The following MAN1A2 variants were observed in gnomAD, a reference collection of about 807,000 sequenced individuals.
The protein encoded by MAN1A2 is mannosyl-oligosaccharide 1,2-alpha-mannosidase IB.
In MAN1A2, 26 loss-of-function variants were observed where a neutral mutation model predicts 75.7. That is an observed-to-expected ratio of 0.34 (90% CI 0.25 to 0.48). The LOEUF (loss-of-function observed/expected upper bound fraction) is 0.48, where lower values mean the gene tolerates loss of function less well. MAN1A2 is among the 20% of genes least tolerant of loss of function. The pLI, the probability that MAN1A2 is intolerant of heterozygous loss-of-function variation, is 0.99. For missense variants in MAN1A2, 562 were observed against 775.5 expected (o/e 0.72, Z 3.27); for synonymous variants, 247 against 264.6 (o/e 0.93, Z 0.65).
Position 117,445,868 on chromosome 1 carries a change from G to GTATATATATATA in MAN1A2, c.950+3544_950+3545insATATATATATAT, listed in dbSNP as rs1256464203. Among the ~76,000 whole-genome samples, 17 of 94,172 alleles carry GTATATATATATA rather than the reference G, an allele frequency of 1.8e-4. No individual in the cohort carries two copies. In the South Asian group the frequency reaches 2.1e-3, roughly 12 times the overall value. 61.8% of individuals were successfully genotyped at this position (94,172 alleles called of 152,430 possible). On this transcript the variant is annotated intron_variant, in intron 6 of 12. Transcript: ENST00000356554. ...TGTGTGTGTGTGTGTGTATGTGTGT[G>GTATATATATATA]TGTGTCTGTGTGTGTGTATATATAT...
chr1:117,491,264 G>A (rs1303538620), intron 8 of MAN1A2, among the ~76,000 whole-genome samples: 3 of 152,040 alleles, frequency 2.0e-5, no homozygotes, highest in Non-Finnish European at 2.9e-5. Context: ...GCTGACTCTT[G>A]TTGGGGGCTA....
At position 117,367,963 on chromosome 1, in the gene MAN1A2, G is replaced by A. The variant is rs147277758; in HGVS notation, c.-221G>A. 3.7e-6 allele frequency: 2 copies of A among 539,940 alleles called. No individual in the cohort carries two copies. The highest frequency in any genetic ancestry group is 3.0e-5 in the East Asian group (1 of 32,856). 33.4% of individuals were successfully genotyped at this position (539,940 alleles called of 1,614,324 possible). On this transcript the variant is annotated 5_prime_UTR_variant, in exon 1 of 13. Coordinates refer to ENST00000356554, the MANE Select transcript of MAN1A2 (RefSeq NM_006699.5). ...AAGTACAGATGTTGAAGAGGATATC[G>A]CAGGACCTAAACTTGTGATCGTTTG... is the stretch of plus-strand genomic sequence containing the variant.
chr1:117,492,804 A>G (rs906661470), intron 8 of MAN1A2, among the ~76,000 whole-genome samples: 2 of 152,046 alleles, frequency 1.3e-5, no homozygotes, highest in African/African-American at 4.8e-5. Flanking sequence ...GACATAACTT[A>G]TTTATTTAAA....
At chr1:117,413,568 CAG>C (rs1406116144) in intron 3 of MAN1A2, among the ~76,000 whole-genome samples, 2 of 151,796 alleles carry the variant, frequency 1.3e-5, no homozygotes, top group Admixed American at 6.6e-5. Flanking sequence ...CGTAACCTTT[CAG>C]AGTTTTGGGG....
intron 8 of MAN1A2, among the ~76,000 whole-genome samples, chr1:117,467,712 C>A (rs1018305871): frequency 6.6e-6 from 1 of 152,158 alleles, no homozygotes; most frequent in Non-Finnish European, 1.5e-5. Flanking sequence ...ATAAGAGTGA[C>A]TGGATTGGAT....
intron 1 of MAN1A2, among the ~76,000 whole-genome samples, chr1:117,376,191 T>C (rs1653132991): frequency 6.6e-6 from 1 of 152,238 alleles, no homozygotes; most frequent in East Asian, 1.9e-4. Context: ...ATTACAGGCG[T>C]GAGCCCACTG....
At chr1:117,443,550 G>A (rs1391105105) in intron 6 of MAN1A2, among the ~76,000 whole-genome samples, 1 of 152,022 alleles carries the variant, frequency 6.6e-6, no homozygotes, top group East Asian at 1.9e-4. Context: ...AAGACAGACT[G>A]GAGGCTCTTT....
At chr1:117,383,847 C>T (rs1278200639) in intron 1 of MAN1A2, among the ~76,000 whole-genome samples, 1 of 152,082 alleles carries the variant, frequency 6.6e-6, no homozygotes, top group Non-Finnish European at 1.5e-5. Flanking sequence ...CCTTGTACTC[C>T]TGGCCTTAAG....
rs542358095 is a variant in MAN1A2, at chr1:117,525,664, T to C, written c.*2707T>C. The C allele has an allele frequency of 6.6e-6, 1 of 152,066 alleles. No homozygotes were observed. The highest frequency in any genetic ancestry group is 2.4e-5 in the African/African-American group (1 of 41,526). The allele number at this position is 152,066 out of a possible 1,614,324, so 9.4% of individuals were successfully genotyped here. On this transcript the variant is annotated 3_prime_UTR_variant, in exon 13 of 13. Transcript: ENST00000356554. Reference sequence around the variant, plus strand: ...TGCATAATCGAAAAAAATAGGAATTTTGAACACTGTTCTTCCTTCTACATT... The same window carrying C: ...TGCATAATCGAAAAAAATAGGAATTCTGAACACTGTTCTTCCTTCTACATT...
At chr1:117,458,625 G>A (rs946543890) in intron 6 of MAN1A2, among the ~76,000 whole-genome samples, 4 of 150,202 alleles carry the variant, frequency 2.7e-5, no homozygotes, top group African/African-American at 9.8e-5. Flanking sequence ...CTGGGTTTAA[G>A]CGATTCTCCT....
chr1:117,466,583 T>C (rs1649991121), intron 8 of MAN1A2, among the ~76,000 whole-genome samples, 156 bp downstream of exon 8: 1 of 152,156 alleles, frequency 6.6e-6, no homozygotes, highest in Admixed American at 6.6e-5. Context: ...TTCTGATCTC[T>C]CTTAGCTTCA....
chr1:117,510,830 CT>C (rs1651513993), intron 12 of MAN1A2, among the ~76,000 whole-genome samples: 2 of 152,114 alleles, frequency 1.3e-5, no homozygotes, highest in African/African-American at 4.8e-5. Context: ...CACTCTCCCC[CT>C]AACTTATAAT....
intron 12 of MAN1A2, among the ~76,000 whole-genome samples, chr1:117,522,282 C>A (rs1207844088): frequency 6.6e-6 from 1 of 151,844 alleles, no homozygotes; most frequent in East Asian, 1.9e-4. Flanking sequence ...CAACAAATTA[C>A]ATAGATAATA....
intron 1 of MAN1A2, among the ~76,000 whole-genome samples, chr1:117,381,272 G>C (rs1398109413): frequency 3.9e-5 from 6 of 152,078 alleles, no homozygotes; most frequent in Non-Finnish European, 2.9e-5. Flanking sequence ...TGCCATGCTG[G>C]TGTGCTGCAC....
intron 3 of MAN1A2, among the ~76,000 whole-genome samples, chr1:117,407,475 A>T (rs1439851600): frequency 2.0e-5 from 3 of 152,162 alleles, no homozygotes; most frequent in Non-Finnish European, 4.4e-5. Context: ...CAAATTTAGT[A>T]TGCCTTTACA....
chr1:117,373,317 A>G lies in MAN1A2; in HGVS notation c.302+4832A>G, dbSNP rs547454054. 2.6e-5 allele frequency among the ~76,000 whole-genome samples: 4 copies of G among 151,530 alleles called. No homozygotes were observed. The South Asian group carries it at 8.4e-4, about 32-fold the overall frequency. On this transcript the variant is annotated intron_variant, in intron 1 of 12. Coordinates refer to ENST00000356554, the MANE Select transcript of MAN1A2 (RefSeq NM_006699.5). ...TCTGCTCCTGTTTGGGCGACGTCAC[A>G]TTGTTTTATGCACTAATATTAAAGT...
Position 117,526,077 on chromosome 1 carries a change from C to T in MAN1A2, c.*3120C>T, listed in dbSNP as rs1053902. ...AATCATCATCCTCTCATCTTCTCCACTCTCCATTGCCAAAGTCTTTGTCAA... is the reference window on the plus strand; with the variant it reads ...AATCATCATCCTCTCATCTTCTCCATTCTCCATTGCCAAAGTCTTTGTCAA... On this transcript the variant is annotated 3_prime_UTR_variant, in exon 13 of 13. Transcript: ENST00000356554. 5 of 151,602 alleles carry T rather than the reference C, an allele frequency of 3.3e-5. No individual in the cohort carries two copies. The highest frequency in any genetic ancestry group is 1.2e-4 in the African/African-American group (5 of 41,384). 9.4% of individuals were successfully genotyped at this position (151,602 alleles called of 1,614,324 possible).
intron 12 of MAN1A2, among the ~76,000 whole-genome samples, chr1:117,513,781 T>G (rs1252752926): frequency 6.6e-6 from 1 of 152,138 alleles, no homozygotes; most frequent in Non-Finnish European, 1.5e-5. Flanking sequence ...TTGCCTGCAG[T>G]TTATTGCCCT....
intron 6 of MAN1A2, among the ~76,000 whole-genome samples, chr1:117,450,802 G>A (rs966798733): frequency 5.9e-5 from 9 of 152,190 alleles, no homozygotes; most frequent in Non-Finnish European, 1.3e-4. Context: ...AAGAATTGGG[G>A]TTTGGGAACC....
Sources: allele counts gnomAD v4.1 joint callset (sites outside exome capture counted in the v4.1 genomes callset), GRCh38; gene constraint gnomAD v4.1.1; transcripts MANE v1.5; gene names NCBI Gene and HGNC (gene_info 2026-07-23, HGNC 2026-07-21).